SEMA6D: variants seen among roughly 807,000 people sequenced by gnomAD.
The protein encoded by SEMA6D is semaphorin 6D.
Under a neutral mutation model 106.6 loss-of-function variants are expected in SEMA6D, and 35 were observed. That is an observed-to-expected ratio of 0.33 (90% CI 0.25 to 0.44). The LOEUF (loss-of-function observed/expected upper bound fraction) is 0.44, where lower values mean the gene tolerates loss of function less well. SEMA6D is among the 20% of genes least tolerant of loss of function. SEMA6D has a pLI of 1.00. For synonymous variants in SEMA6D, 499 were observed against 487.7 expected (o/e 1.02, Z -0.31); for missense variants, 1,185 against 1,345.9 (o/e 0.88, Z 1.87).
chr15:47,625,789 T>A (rs2077191838), intron 4 of SEMA6D, among the ~76,000 whole-genome samples: 1 of 152,058 alleles, frequency 6.6e-6, no homozygotes, highest in Non-Finnish European at 1.5e-5. Context: ...TATGCATGAT[T>A]ACGTACTGTT....
chr15:47,519,107 CAATA>C lies in SEMA6D; in HGVS notation c.-87+48577_-87+48580del, dbSNP rs969120103. The stretch of plus-strand genomic sequence containing the variant: ...CCAGGCATGGTGGTCAAATACAAAA[CAATA>C]AATAAATAAATAAACGTTAAAAATT... On this transcript the variant is annotated intron_variant, in intron 3 of 19. Transcript: ENST00000558014. Among the ~76,000 whole-genome samples, 13 of 151,202 alleles carry C rather than the reference CAATA, an allele frequency of 8.6e-5. No homozygotes were observed. In the South Asian group the frequency reaches 2.3e-3, roughly 27 times the overall value.
intron 1 of SEMA6D, among the ~76,000 whole-genome samples, chr15:47,333,504 T>A (rs564576445): frequency 6.6e-6 from 1 of 152,234 alleles, no homozygotes; most frequent in Non-Finnish European, 1.5e-5. Flanking sequence ...AGTATCTAGA[T>A]GACAATAATG....
chr15:47,564,876 G>A (rs559561167), intron 3 of SEMA6D, among the ~76,000 whole-genome samples: 10 of 152,260 alleles, frequency 6.6e-5, no homozygotes, highest in African/African-American at 2.4e-4. Context: ...AACTATGGCT[G>A]GATGTTGGAG....
At chr15:47,624,051 C>T (rs981183730) in intron 4 of SEMA6D, among the ~76,000 whole-genome samples, 2 of 152,170 alleles carry the variant, frequency 1.3e-5, no homozygotes, top group African/African-American at 4.8e-5. Flanking sequence ...CCCACCAGTT[C>T]TCCTGATCCC....
intron 1 of SEMA6D, among the ~76,000 whole-genome samples, chr15:47,371,202 A>T (rs1305451972): frequency 1.3e-5 from 2 of 152,208 alleles, no homozygotes; most frequent in Non-Finnish European, 2.9e-5. Context: ...TTAGGATGGC[A>T]TTTTGGAGAC....
At chr15:47,767,149 A>T in intron 17 of SEMA6D, 56 bp downstream of exon 17, 3 of 1,202,384 alleles carry the variant, frequency 2.5e-6, no homozygotes, top group Non-Finnish European at 3.6e-6. Context: ...TCAGTTCAGC[A>T]TTTTCAGCCC....
At chr15:47,651,057 A>AT (rs2077680021) in intron 4 of SEMA6D, among the ~76,000 whole-genome samples, 1 of 152,134 alleles carries the variant, frequency 6.6e-6, no homozygotes, top group Non-Finnish European at 1.5e-5. Flanking sequence ...CCTTAATGAC[A>AT]TGAGTGGCAA....
At chr15:47,632,767 G>A (rs943194775) in intron 4 of SEMA6D, among the ~76,000 whole-genome samples, 4 of 151,632 alleles carry the variant, frequency 2.6e-5, no homozygotes, top group African/African-American at 7.3e-5. Context: ...GGCCATTTAC[G>A]TTTAAGGTAA....
intron 3 of SEMA6D, among the ~76,000 whole-genome samples, chr15:47,575,793 T>TA (rs75365080): frequency 0.06 from 9,169 of 152,168 alleles, 320 homozygotes; most frequent in South Asian, 0.095. Context: ...GTGATCTCTT[T>TA]AAAAAATCAA....
intron 3 of SEMA6D, among the ~76,000 whole-genome samples, chr15:47,496,285 G>A (rs1467502488): frequency 6.6e-6 from 1 of 152,064 alleles, no homozygotes; most frequent in Non-Finnish European, 1.5e-5. Context: ...TGCTATTTAA[G>A]CAGGGGCCAT....
At chr15:47,299,702 A>G (rs2035944740) in intron 1 of SEMA6D, among the ~76,000 whole-genome samples, 1 of 152,200 alleles carries the variant, frequency 6.6e-6, no homozygotes, top group East Asian at 1.9e-4. Flanking sequence ...AATCTATTAA[A>G]TACACTTGAG....
intron 2 of SEMA6D, among the ~76,000 whole-genome samples, chr15:47,418,796 A>G (rs1224420722): frequency 6.6e-6 from 1 of 152,108 alleles, no homozygotes; most frequent in Non-Finnish European, 1.5e-5. Context: ...GGTGACCTTG[A>G]CTAAGAGCAC....
intron 3 of SEMA6D, among the ~76,000 whole-genome samples, chr15:47,503,961 A>G (rs2043951947): frequency 6.6e-6 from 1 of 152,118 alleles, no homozygotes. Context: ...ATTTTTCTAG[A>G]AAGGACAGCT....
At chr15:47,605,615 C>G (rs1437549595) in intron 4 of SEMA6D, among the ~76,000 whole-genome samples, 1 of 152,168 alleles carries the variant, frequency 6.6e-6, no homozygotes. Flanking sequence ...GGACATTTCC[C>G]CAACCACATC....
intron 1 of SEMA6D, among the ~76,000 whole-genome samples, chr15:47,341,137 C>T (rs540713833): frequency 2.0e-5 from 3 of 152,206 alleles, no homozygotes; most frequent in African/African-American, 7.2e-5. Context: ...GGCCTGTAAT[C>T]CCAGCACCTT....
intron 1 of SEMA6D, among the ~76,000 whole-genome samples, chr15:47,203,818 G>A (rs1319861755): frequency 1.3e-5 from 2 of 152,014 alleles, no homozygotes; most frequent in African/African-American, 4.8e-5. Flanking sequence ...ATTGTTTTGT[G>A]GACATGAAAA....
intron 1 of SEMA6D, among the ~76,000 whole-genome samples, chr15:47,204,324 A>G (rs890841978): frequency 6.6e-6 from 1 of 152,178 alleles, no homozygotes; most frequent in African/African-American, 2.4e-5. Flanking sequence ...AAAAATAAAT[A>G]AAAAGGTAAA....
chr15:47,486,511 C>T (rs1377435849), intron 3 of SEMA6D, among the ~76,000 whole-genome samples: 1 of 152,224 alleles, frequency 6.6e-6, no homozygotes, highest in African/African-American at 2.4e-5. Flanking sequence ...CACCCTCTCA[C>T]CCATTTTCAT....
chr15:47,390,009 A>G (rs1158561772), intron 1 of SEMA6D, among the ~76,000 whole-genome samples: 1 of 152,184 alleles, frequency 6.6e-6, no homozygotes, highest in Non-Finnish European at 1.5e-5. Context: ...GCTCTTTTAG[A>G]TGATCTTTAT....
Sources: allele counts gnomAD v4.1 joint callset (sites outside exome capture counted in the v4.1 genomes callset), GRCh38; gene constraint gnomAD v4.1.1; transcripts MANE v1.5; gene names NCBI Gene and HGNC (gene_info 2026-07-23, HGNC 2026-07-21).